NRXN1: variants seen among roughly 807,000 people sequenced by gnomAD.
NRXN1 encodes neurexin-1.
Under a neutral mutation model 150.9 loss-of-function variants are expected in NRXN1, and 39 were observed. The ratio of observed to expected loss-of-function variants is 0.26; its 90% CI spans 0.20 to 0.34. The LOEUF (loss-of-function observed/expected upper bound fraction) is 0.34, where lower values mean the gene tolerates loss of function less well. Ranked by LOEUF, NRXN1 falls within the 10% of genes least tolerant of loss-of-function variation. The pLI is 1.00. For synonymous variants in NRXN1, 924 were observed against 757.0 expected, an observed-to-expected ratio of 1.22 and a Z score of -3.62; for missense variants, 1,815 against 1,949.9, an observed-to-expected ratio of 0.93 and a Z score of 1.30.
chr2:50,413,994 T>C (rs1448985503), intron 17 of NRXN1, among the ~76,000 whole-genome samples: 2 of 126,082 alleles, frequency 1.6e-5, no homozygotes, highest in African/African-American at 6.1e-5. Context: ...ATTGAACTCA[T>C]GGACATAGAG....
At chr2:50,684,414 A>G (rs1177463394) in intron 5 of NRXN1, among the ~76,000 whole-genome samples, 1 of 152,056 alleles carries the variant, frequency 6.6e-6, no homozygotes, top group African/African-American at 2.4e-5. Context: ...AGGTGGGAAG[A>G]TCTCTTGAGT....
intron 15 of NRXN1, among the ~76,000 whole-genome samples, chr2:50,475,031 G>C (rs2089877675): frequency 6.6e-6 from 1 of 151,940 alleles, no homozygotes; most frequent in Non-Finnish European, 1.5e-5. Context: ...GAGATTGTGG[G>C]CTGAGATTTA....
intron 5 of NRXN1, chr2:50,637,677 T>G (rs79509100): frequency 6.6e-6 from 1 of 152,204 alleles, no homozygotes; most frequent in African/African-American, 2.4e-5. Context: ...TTTCAGGTTC[T>G]GAATTCCCCA....
At position 50,347,400 on chromosome 2, in the gene NRXN1, A is replaced by T. The variant is rs899513023; in HGVS notation, c.3365-110430T>A. 2.6e-6 allele frequency: 3 copies of T among 1,172,644 alleles called. No individual in the cohort carries two copies. Among genetic ancestry groups the T allele is most frequent in the Non-Finnish European group, 3.2e-6 (3 of 932,764 alleles). 72.6% of individuals were successfully genotyped at this position (1,172,644 alleles called of 1,614,324 possible). On this transcript the variant is annotated intron_variant, in intron 17 of 22. Coordinates refer to ENST00000401669, the MANE Select transcript of NRXN1 (RefSeq NM_001330078.2). The surrounding 1 kb of genome is among the most constrained non-coding windows in gnomAD (Gnocchi z 4.9). ...CACCGCGAATCCACTAGGTAAATCC[A>T]TTTAGCTTTGTGTGCGGGGACTAGG...
intron 18 of NRXN1, among the ~76,000 whole-genome samples, chr2:50,209,326 A>C (rs577541891): frequency 6.6e-6 from 1 of 152,168 alleles, no homozygotes; most frequent in South Asian, 2.1e-4. Flanking sequence ...AATTCAAGGC[A>C]TTAACATAAA....
intron 5 of NRXN1, among the ~76,000 whole-genome samples, chr2:50,876,633 C>A (rs1678632777): frequency 6.6e-6 from 1 of 151,766 alleles, no homozygotes. Flanking sequence ...CTTTTCACAT[C>A]TCATTATGGT....
At position 50,257,847 on chromosome 2, in the gene NRXN1, T is replaced by C. The variant is rs946559197; in HGVS notation, c.3365-20877A>G. Among the ~76,000 whole-genome samples the C allele has an allele frequency of 2.0e-5, 3 of 151,716 alleles. 1 individual carries two copies. In the Admixed American group the frequency reaches 2.0e-4, roughly 10 times the overall value. ...GGTTTTTCAAATGATAAAATTAAAA[T>C]ATAAAACAAAAAATTTAAATTTTTT... is the stretch of plus-strand genomic sequence containing the variant. On this transcript the variant is annotated intron_variant, in intron 17 of 22. Transcript: ENST00000401669.
chr2:50,812,334 T>G (rs958552810), intron 5 of NRXN1, among the ~76,000 whole-genome samples: 1 of 152,208 alleles, frequency 6.6e-6, no homozygotes, highest in Non-Finnish European at 1.5e-5. Flanking sequence ...CGGTTACATA[T>G]GTGACTTCCA....
At chr2:50,272,781 T>C (rs1343687632) in intron 17 of NRXN1, among the ~76,000 whole-genome samples, 2 of 152,052 alleles carry the variant, frequency 1.3e-5, no homozygotes, top group Non-Finnish European at 2.9e-5. Context: ...GATCATAAAT[T>C]TTCCAGATTT....
intron 8 of NRXN1, among the ~76,000 whole-genome samples, chr2:50,574,560 A>T (rs1293840964): frequency 6.6e-6 from 1 of 152,252 alleles, no homozygotes; most frequent in South Asian, 2.1e-4. Context: ...TCAAACTCTA[A>T]CATCACTTTG....
intron 19 of NRXN1, among the ~76,000 whole-genome samples, chr2:50,073,782 A>G (rs1390621591): frequency 6.6e-6 from 1 of 152,212 alleles, no homozygotes; most frequent in Non-Finnish European, 1.5e-5. Context: ...CTTTTTAGGA[A>G]GAGTTTGAGC....
At chr2:50,843,596 G>A (rs1293497949) in intron 5 of NRXN1, among the ~76,000 whole-genome samples, 2 of 152,168 alleles carry the variant, frequency 1.3e-5, no homozygotes, top group Admixed American at 6.5e-5. Flanking sequence ...GGTAATGGGT[G>A]GAAGCCCATG....
chr2:50,191,349 A>C (rs906663869), intron 18 of NRXN1, among the ~76,000 whole-genome samples: 2 of 151,998 alleles, frequency 1.3e-5, no homozygotes, highest in East Asian at 3.9e-4. Flanking sequence ...AATTTCTTAC[A>C]ATGATAATAT....
chr2:50,203,002 C>T (rs2062294891), intron 18 of NRXN1, among the ~76,000 whole-genome samples: 1 of 151,796 alleles, frequency 6.6e-6, no homozygotes, highest in Non-Finnish European at 1.5e-5. Flanking sequence ...ATTGAAGGTC[C>T]CAGAGAGGGC....
chr2:50,655,658 T>C (rs1013087016), intron 5 of NRXN1, among the ~76,000 whole-genome samples: 1 of 150,862 alleles, frequency 6.6e-6, no homozygotes, highest in Non-Finnish European at 1.5e-5. Context: ...GTTGTTTTTA[T>C]TTTTCTTTTG....
chr2:50,341,449 A>T (rs1239764150), intron 17 of NRXN1, among the ~76,000 whole-genome samples: 1 of 152,070 alleles, frequency 6.6e-6, no homozygotes, highest in African/African-American at 2.4e-5. Flanking sequence ...CACTTTTCAA[A>T]TTCATGGTCT....
At chr2:50,810,296 G>A (rs557406573) in intron 5 of NRXN1, among the ~76,000 whole-genome samples, 5 of 152,252 alleles carry the variant, frequency 3.3e-5, no homozygotes, top group Non-Finnish European at 7.3e-5. Context: ...TGAAGGACTG[G>A]CTTCAAACCT....
At chr2:50,269,405 C>T (rs1171322293) in intron 17 of NRXN1, among the ~76,000 whole-genome samples, 1 of 152,160 alleles carries the variant, frequency 6.6e-6, no homozygotes, top group Non-Finnish European at 1.5e-5. Flanking sequence ...CACTGTATTT[C>T]CCAACTTTGT....
intron 5 of NRXN1, chr2:50,739,308 C>G: frequency 2.1e-6 from 1 of 466,504 alleles, no homozygotes; most frequent in Non-Finnish European, 4.3e-6. Flanking sequence ...CAACATACCT[C>G]CATTATGCAA....
Sources: allele counts gnomAD v4.1 joint callset (sites outside exome capture counted in the v4.1 genomes callset), GRCh38; gene constraint gnomAD v4.1.1; non-coding constraint Gnocchi (gnomAD v3.1); transcripts MANE v1.5; gene names NCBI Gene and HGNC (gene_info 2026-07-23, HGNC 2026-07-21).